The following C8B variants were observed in gnomAD, a reference collection of about 807,000 sequenced individuals.
The protein encoded by C8B is complement C8 beta chain.
A neutral mutation model predicts 64.6 loss-of-function variants in C8B; 67 were observed. That is an observed-to-expected ratio of 1.04 (90% CI 0.85 to 1.27). The LOEUF is 1.27. Ranked by LOEUF, C8B falls within the 50% of genes most tolerant of loss-of-function variation. The pLI, the probability that C8B is intolerant of heterozygous loss-of-function variation, is 0.00. For missense variants in C8B, 790 were observed against 725.2 expected (o/e 1.09, Z -1.03); for synonymous variants, 284 against 257.7 (o/e 1.10, Z -0.98).
At chr1:56,937,516 T>C (rs1488350255) in intron 9 of C8B, among the ~76,000 whole-genome samples, 3 of 152,146 alleles carry the variant, frequency 2.0e-5, no homozygotes, top group African/African-American at 7.2e-5. Context: ...ATGCCAATAA[T>C]TCATACAATG....
chr1:56,940,182 T>C (rs1359985369), intron 9 of C8B, among the ~76,000 whole-genome samples: 2 of 152,122 alleles, frequency 1.3e-5, no homozygotes, highest in Non-Finnish European at 2.9e-5. Context: ...ACTAAATGAG[T>C]GATTCTCTAA....
intron 2 of C8B, among the ~76,000 whole-genome samples, chr1:56,957,833 GCACACT>G (rs911795528): frequency 2.0e-5 from 3 of 152,080 alleles, no homozygotes; most frequent in African/African-American, 7.2e-5. Flanking sequence ...AGAGTGCTTT[GCACACT>G]CATCGGGAGT....
chr1:56,960,353 C>T (rs1230374503), intron 1 of C8B, among the ~76,000 whole-genome samples, 177 bp from the exon 2 acceptor site: 5 of 152,070 alleles, frequency 3.3e-5, no homozygotes, highest in African/African-American at 7.2e-5. Flanking sequence ...ATATTTAATC[C>T]AACAATGAAA....
At chr1:56,964,668 C>A (rs188339432) in intron 1 of C8B, among the ~76,000 whole-genome samples, 1 of 152,156 alleles carries the variant, frequency 6.6e-6, no homozygotes, top group African/African-American at 2.4e-5. Flanking sequence ...CTGGCTGCCC[C>A]GTAGCATCTT....
rs1367754624 is a variant in C8B, at chr1:56,965,993, A to G, written c.-45T>C. On this transcript the variant is annotated 5_prime_UTR_variant, in exon 1 of 12. Coordinates refer to ENST00000371237, the MANE Select transcript of C8B (RefSeq NM_000066.4). ...ATGCCACAGAGGCTGCTAGACCCAT[A>G]ACAAGCCTGTGCTGTGAGTGCCACT... 9.3e-6 allele frequency: 15 copies of G among 1,612,522 alleles called. No individual in the cohort carries two copies. The highest frequency in any genetic ancestry group is 6.6e-5 in the South Asian group (6 of 90,988).
intron 1 of C8B, among the ~76,000 whole-genome samples, chr1:56,961,772 A>C (rs1645183874): frequency 6.6e-6 from 1 of 152,198 alleles, no homozygotes; most frequent in Non-Finnish European, 1.5e-5. Context: ...AACTACGGTG[A>C]AATCTGTGTC....
intron 9 of C8B, among the ~76,000 whole-genome samples, chr1:56,940,551 C>T (rs1232485932): frequency 2.7e-5 from 4 of 148,016 alleles, no homozygotes; most frequent in East Asian, 2.0e-4. Context: ...ACCTGGGTAA[C>T]AGAGCAAGAC....
At chr1:56,943,893 A>G in intron 7 of C8B, 69 bp from the exon 8 acceptor site, 3 of 1,573,080 alleles carry the variant, frequency 1.9e-6, no homozygotes, top group Non-Finnish European at 8.7e-7. Flanking sequence ...CCTATGATCG[A>G]GTCCAGAGGC....
At chr1:56,940,102 C>T (rs1424627042) in intron 9 of C8B, among the ~76,000 whole-genome samples, 1 of 152,022 alleles carries the variant, frequency 6.6e-6, no homozygotes, top group Non-Finnish European at 1.5e-5. Flanking sequence ...TAGTACCTTA[C>T]TTCCTGTAGC....
At chr1:56,939,314 T>C (rs1175214647) in intron 9 of C8B, among the ~76,000 whole-genome samples, 1 of 152,230 alleles carries the variant, frequency 6.6e-6, no homozygotes, top group Non-Finnish European at 1.5e-5. Context: ...TTTTATCCTT[T>C]TCATGTTTGC....
In C8B at chr1:56,951,120, C is replaced by G. The variant is rs192855160; in HGVS notation, c.666+928G>C. Among the ~76,000 whole-genome samples the G allele has an allele frequency of 1.7e-3, 256 of 152,206 alleles. No homozygotes were observed. In the Middle Eastern group the frequency reaches 0.021, roughly 12 times the overall value. ...TAAAGACAGGATCTTGCTTTGTCACCAAGCTGGAGTGCAGTGGTACGACCT... is the reference window on the plus strand; with the variant it reads ...TAAAGACAGGATCTTGCTTTGTCACGAAGCTGGAGTGCAGTGGTACGACCT... On this transcript the variant is annotated intron_variant, in intron 5 of 11. Coordinates refer to ENST00000371237, the MANE Select transcript of C8B (RefSeq NM_000066.4).
chr1:56,936,642 T>A (rs1051811827), intron 9 of C8B, among the ~76,000 whole-genome samples: 3 of 151,464 alleles, frequency 2.0e-5, no homozygotes, highest in Non-Finnish European at 4.4e-5. Flanking sequence ...TCACCCAGGC[T>A]GGAGTGCAAT....
At chr1:56,943,615 G>T in intron 8 of C8B, 81 bp downstream of exon 8, 2 of 1,535,428 alleles carry the variant, frequency 1.3e-6, no homozygotes. Context: ...GTCTCAAAAA[G>T]GGAGGGAGGT....
chr1:56,937,924 C>G lies in C8B; in HGVS notation c.1398+2925G>C, dbSNP rs182688722. Among the ~76,000 whole-genome samples, 124 of 152,312 alleles carry G rather than the reference C, an allele frequency of 8.1e-4. 1 individual carries two copies. Among genetic ancestry groups the G allele is most frequent in the Non-Finnish European group, 1.4e-3 (97 of 68,030 alleles). ...CAGTTGTTGCTCCATTTTCTTCAAG[C>G]ATTTCACACTGCAAAGAATTCTAGG... On this transcript the variant is annotated intron_variant, in intron 9 of 11. Transcript: ENST00000371237.
chr1:56,929,599 T>C, intron 11 of C8B, 41 bp from the exon 12 acceptor site: 1 of 1,598,132 alleles, frequency 6.3e-7, no homozygotes. Context: ...CAGCACTTCT[T>C]ATATTCTGGT....
Position 56,937,168 on chromosome 1 carries a change from C to T in C8B, c.1399-3680G>A, listed in dbSNP as rs553069892. 5.9e-5 allele frequency among the ~76,000 whole-genome samples: 9 copies of T among 152,278 alleles called. No individual in the cohort carries two copies. In the South Asian group the frequency reaches 1.2e-3, roughly 21 times the overall value. On this transcript the variant is annotated intron_variant, in intron 9 of 11. Coordinates refer to ENST00000371237, the MANE Select transcript of C8B (RefSeq NM_000066.4). ...CTTTGAAGGCAGGTTTGCAATGTGA[C>T]TTGTTTTGACCAGTGACAGGTGAGA...
chr1:56,956,216 A>C (rs184720672), intron 3 of C8B, among the ~76,000 whole-genome samples: 2 of 152,340 alleles, frequency 1.3e-5, no homozygotes, highest in East Asian at 3.9e-4. Flanking sequence ...AGGTTTTGTC[A>C]TATTCTACTT....
At chr1:56,932,403 C>T (rs1202172260) in intron 10 of C8B, among the ~76,000 whole-genome samples, 1 of 152,136 alleles carries the variant, frequency 6.6e-6, no homozygotes, top group East Asian at 1.9e-4. Context: ...ATAGGTCAGG[C>T]CCTGCAAGCA....
At chr1:56,951,768 CA>C (rs1267191388) in intron 5 of C8B, among the ~76,000 whole-genome samples, 4 of 152,202 alleles carry the variant, frequency 2.6e-5, no homozygotes, top group African/African-American at 9.7e-5. Context: ...GCAGAGCCAC[CA>C]AGTCAGTGTG....
Sources: gnomAD v4.1 joint callset for allele counts (sites outside exome capture counted in the v4.1 genomes callset) on GRCh38, gnomAD v4.1.1 for gene constraint, MANE v1.5 for transcripts, NCBI Gene and HGNC (gene_info 2026-07-23, HGNC 2026-07-21) for gene names.